LINC00237: variants seen among roughly 807,000 people sequenced by gnomAD.
LINC00237 encodes long intergenic non-protein coding RNA 237.
intron 2 of LINC00237, chr20:21,090,626 G>A (rs1327366912): frequency 6.6e-6 from 1 of 152,212 alleles, no homozygotes; most frequent in Non-Finnish European, 1.5e-5. Flanking sequence ...TTTGCCGGCT[G>A]CGGATGGAAG....
intron 1 of LINC00237, among the ~76,000 whole-genome samples, chr20:21,100,900 G>T (rs1442184774): frequency 6.6e-6 from 1 of 152,066 alleles, no homozygotes; most frequent in Admixed American, 6.5e-5. Context: ...CGACCTCGCC[G>T]GGACCTCGGC....
intron 1 of LINC00237, among the ~76,000 whole-genome samples, chr20:21,102,764 G>A (rs921715610): frequency 5.3e-5 from 8 of 151,440 alleles, no homozygotes; most frequent in Non-Finnish European, 1.2e-4. Flanking sequence ...CGGAACAATT[G>A]TCACTCAGTT....
intron 1 of LINC00237, among the ~76,000 whole-genome samples, chr20:21,097,415 T>C (rs6035780): frequency 0.14 from 21,892 of 152,130 alleles, 3,099 homozygotes; most frequent in African/African-American, 0.35. Context: ...ATGAATTGTT[T>C]ATTGGAAAAA....
chr20:21,093,190 C>A (rs888747367), intron 2 of LINC00237: 2 of 152,166 alleles, frequency 1.3e-5, no homozygotes, highest in African/African-American at 4.8e-5. Context: ...AAACAATTAT[C>A]TTTTACCTCT....
At chr20:21,090,176 A>C (rs888462477) in intron 2 of LINC00237, 1 of 152,226 alleles carries the variant, frequency 6.6e-6, no homozygotes, top group Admixed American at 6.5e-5. Context: ...TTTCCGACAC[A>C]GTTATCTTCT....
intron 1 of LINC00237, among the ~76,000 whole-genome samples, chr20:21,105,775 C>T (rs1237296785): frequency 6.6e-6 from 1 of 152,224 alleles, no homozygotes; most frequent in African/African-American, 2.4e-5. Context: ...GTCTCTCTGC[C>T]TCCCCGCAGC....
At chr20:21,102,202 G>A (rs1355518577) in intron 1 of LINC00237, among the ~76,000 whole-genome samples, 1 of 152,244 alleles carries the variant, frequency 6.6e-6, no homozygotes, top group Non-Finnish European at 1.5e-5. Flanking sequence ...TCAAGGCCAA[G>A]TGGAGAGTGA....
rs574365090 is a variant in LINC00237, at chr20:21,096,389, A to G, written n.89-2537T>C. 1.5e-4 allele frequency among the ~76,000 whole-genome samples: 23 copies of G among 152,286 alleles called. No individual in the cohort carries two copies. The East Asian group carries it at 3.7e-3, about 24-fold the overall frequency. On this transcript the variant is annotated intron_variant and non_coding_transcript_variant, in intron 1 of 3. Coordinates refer to ENST00000691244, the Ensembl canonical transcript of LINC00237. ...CAGCAAGAAGGAACAGGGAGGTGCA[A>G]GTATGAGATGACAATTACGCACATC...
intron 1 of LINC00237, among the ~76,000 whole-genome samples, chr20:21,095,291 G>C (rs1358760859): frequency 6.6e-6 from 1 of 152,196 alleles, no homozygotes; most frequent in Non-Finnish European, 1.5e-5. Flanking sequence ...TGTGGAGACA[G>C]GCCCTGGGAG....
At chr20:21,094,049 G>A (rs966240852) in intron 1 of LINC00237, among the ~76,000 whole-genome samples, 1 of 152,214 alleles carries the variant, frequency 6.6e-6, no homozygotes, top group African/African-American at 2.4e-5. Context: ...GGAAGGGGAA[G>A]CCTTCCAGGT....
chr20:21,094,589 T>A (rs536011214), intron 1 of LINC00237, among the ~76,000 whole-genome samples: 2 of 152,260 alleles, frequency 1.3e-5, no homozygotes, highest in South Asian at 4.1e-4. Context: ...TGGGTAAGCA[T>A]GATAGTATCC....
intron 1 of LINC00237, among the ~76,000 whole-genome samples, chr20:21,096,122 C>T (rs2030855115): frequency 1.3e-5 from 2 of 152,196 alleles, no homozygotes; most frequent in South Asian, 4.1e-4. Flanking sequence ...GAAACCCAAA[C>T]TAAGATGCTT....
chr20:21,103,025 G>T (rs2030953687), intron 1 of LINC00237, among the ~76,000 whole-genome samples: 1 of 152,182 alleles, frequency 6.6e-6, no homozygotes, highest in African/African-American at 2.4e-5. Flanking sequence ...AGGACGTCGC[G>T]ACCGGCAGGC....
At chr20:21,092,959 C>T (rs528514493) in intron 2 of LINC00237, 2 of 152,230 alleles carry the variant, frequency 1.3e-5, no homozygotes, top group South Asian at 2.1e-4. Context: ...ATGGGGAAGC[C>T]TTCTTGCACA....
At chr20:21,091,060 C>T (rs6047243) in intron 2 of LINC00237, among the ~76,000 whole-genome samples, 93 of 147,246 alleles carry the variant, frequency 6.3e-4, no homozygotes, top group Middle Eastern at 3.5e-3. Flanking sequence ...TGTGTGTGTG[C>T]GTGTGTGTGT....
intron 1 of LINC00237, among the ~76,000 whole-genome samples, chr20:21,102,033 C>A (rs1436170631): frequency 6.6e-6 from 1 of 152,266 alleles, no homozygotes; most frequent in East Asian, 1.9e-4. Flanking sequence ...GGTGGCGTGG[C>A]CAGTTGGGCA....
chr20:21,087,736 T>C (rs903495911), intron 3 of LINC00237: 22 of 152,240 alleles, frequency 1.4e-4, no homozygotes, highest in African/African-American at 4.3e-4. Context: ...TTAACATTTA[T>C]GTGCCCAGAA....
At chr20:21,103,771 T>C (rs1212789233) in intron 1 of LINC00237, among the ~76,000 whole-genome samples, 1 of 152,174 alleles carries the variant, frequency 6.6e-6, no homozygotes, top group Non-Finnish European at 1.5e-5. Context: ...ACCGCTGGCG[T>C]CCTGGCACGT....
At chr20:21,104,290 G>A (rs2030969393) in intron 1 of LINC00237, among the ~76,000 whole-genome samples, 1 of 152,206 alleles carries the variant, frequency 6.6e-6, no homozygotes, top group Non-Finnish European at 1.5e-5. Context: ...CAAATTTAAG[G>A]AATGATTTTC....
Sources: gnomAD v4.1 joint callset for allele counts (sites outside exome capture counted in the v4.1 genomes callset) on GRCh38, gnomAD v4.1.1 for gene constraint, MANE v1.5 for transcripts, NCBI Gene and HGNC (gene_info 2026-07-23, HGNC 2026-07-21) for gene names.